NDRG3: variants seen among roughly 807,000 people sequenced by gnomAD.
The protein encoded by NDRG3 is protein NDRG3.
Under a neutral mutation model 57.2 loss-of-function variants are expected in NDRG3, and 23 were observed. The ratio of observed to expected loss-of-function variants is 0.40; its 90% CI spans 0.29 to 0.57. The LOEUF (loss-of-function observed/expected upper bound fraction) is 0.57, where lower values mean the gene tolerates loss of function less well. Ranked by LOEUF, NDRG3 falls within the 20% of genes least tolerant of loss-of-function variation. The pLI is 0.42. For missense variants in NDRG3, 384 were observed against 457.3 expected (o/e 0.84, Z 1.46); for synonymous variants, 132 against 162.6 (o/e 0.81, Z 1.43).
Position 36,653,353 on chromosome 20 carries a change from AG to A in NDRG3, c.*166del, listed in dbSNP as rs555501860. 1.4e-3 allele frequency: 866 copies of A among 602,254 alleles called. 2 individuals are homozygous for A. The highest frequency in any genetic ancestry group is 2.1e-3 in the Non-Finnish European group (749 of 349,546). 37.3% of individuals were successfully genotyped at this position (602,254 alleles called of 1,614,324 possible). On this transcript the variant is annotated 3_prime_UTR_variant, in exon 16 of 16. Transcript: ENST00000349004. This position sits in a 1 kb window ranked among gnomAD's most constrained non-coding sequence, Gnocchi z 4.2. ...AAGTGGTTCTTGGGCTATACAAAAA[AG>A]GGGGTGGGCAGGCAGAGAGAATGAT... is the stretch of plus-strand genomic sequence containing the variant.
chr20:36,664,934 C>G, intron 12 of NDRG3, 112 bp downstream of exon 12: 1 of 1,077,498 alleles, frequency 9.3e-7, no homozygotes. Flanking sequence ...AGCGATCCTC[C>G]TGCCTCAGCC....
rs188327757 is a variant in NDRG3, at chr20:36,714,428, G to A, written c.57+7251C>T. Among the ~76,000 whole-genome samples the A allele has an allele frequency of 2.2e-3, 308 of 141,420 alleles. 9 individuals are homozygous for A. The South Asian group carries it at 0.044, about 20-fold the overall frequency. 92.8% of individuals were successfully genotyped at this position (141,420 alleles called of 152,430 possible). ...TCAAAAAAAAAAAAAAAAATCTTCA[G>A]CAAATCATTTTCTTCTTTTTTTTTT... On this transcript the variant is annotated intron_variant, in intron 2 of 15. Transcript: ENST00000349004.
intron 2 of NDRG3, among the ~76,000 whole-genome samples, chr20:36,713,408 C>T (rs1280696956): frequency 7.3e-5 from 11 of 151,610 alleles, no homozygotes; most frequent in East Asian, 3.9e-4. Context: ...AAACTAGGAA[C>T]GGGTCAATGA....
intron 1 of NDRG3, among the ~76,000 whole-genome samples, chr20:36,729,666 C>T (rs1407378247): frequency 6.6e-6 from 1 of 151,916 alleles, no homozygotes; most frequent in Non-Finnish European, 1.5e-5. Context: ...TAGCTGGGAC[C>T]ACAGGCACAC....
chr20:36,655,310 G>A (rs377426453), intron 15 of NDRG3, among the ~76,000 whole-genome samples: 48 of 152,332 alleles, frequency 3.2e-4, no homozygotes, highest in African/African-American at 1.1e-3. Flanking sequence ...CAGACAGCTC[G>A]CCAATGACCA....
intron 13 of NDRG3, among the ~76,000 whole-genome samples, chr20:36,659,180 G>A (rs1352748899): frequency 6.6e-6 from 1 of 151,988 alleles, no homozygotes; most frequent in Non-Finnish European, 1.5e-5. Context: ...CGAACTCCTG[G>A]CCTCCCACCT....
chr20:36,708,123 G>A (rs1460009043), intron 2 of NDRG3, among the ~76,000 whole-genome samples: 1 of 151,556 alleles, frequency 6.6e-6, no homozygotes, highest in Non-Finnish European at 1.5e-5. Context: ...TGATGTATTT[G>A]GGAATAAAAG....
chr20:36,736,151 T>C (rs1985600275), intron 1 of NDRG3, among the ~76,000 whole-genome samples: 1 of 152,094 alleles, frequency 6.6e-6, no homozygotes, highest in African/African-American at 2.4e-5. Flanking sequence ...AAGCTTAACT[T>C]TTTTCAGTTG....
At position 36,684,488 on chromosome 20, in the gene NDRG3, A is replaced by G; in HGVS notation, c.321-13T>C. The G allele has an allele frequency of 6.2e-7, 1 of 1,610,954 alleles. No individual in the cohort carries two copies. Among genetic ancestry groups the G allele is most frequent in the South Asian group, 1.1e-5 (1 of 91,006 alleles). On this transcript the variant is annotated splice_polypyrimidine_tract_variant and intron_variant, in intron 5 of 15. Transcript: ENST00000349004. Reference sequence around the variant, plus strand: ...GGGGTACTGATACCTGCAATCCAGAAGGATATCTCCTGAATTAGAAAGCAC... The same window carrying G: ...GGGGTACTGATACCTGCAATCCAGAGGGATATCTCCTGAATTAGAAAGCAC...
chr20:36,699,396 C>T (rs1032447131), intron 3 of NDRG3, among the ~76,000 whole-genome samples: 2 of 151,876 alleles, frequency 1.3e-5, no homozygotes, highest in Non-Finnish European at 2.9e-5. Flanking sequence ...AAGAATAAAG[C>T]GGGGGGAGGC....
At chr20:36,657,952 A>G (rs867937902) in intron 13 of NDRG3, among the ~76,000 whole-genome samples, 66 of 152,210 alleles carry the variant, frequency 4.3e-4, no homozygotes, top group African/African-American at 1.5e-3. Flanking sequence ...ATGGGTACCT[A>G]TCAAATGGTT....
In NDRG3 at chr20:36,721,681, T is replaced by C. The variant is rs1377925010; in HGVS notation, c.55A>G (p.Lys19Glu). The change falls in exon 2 of 16, where the codon AAG (lysine) becomes GAG (glutamate). Residue 19 changes from lysine to glutamate, a missense_variant and splice_region_variant. By Grantham distance (56) the Lys-to-Glu change is moderately conservative. Transcript: ENST00000349004. ...AGTGAAAACAGAAAAGTCTTTACCTTATCATTTAGAAGTGGTTTGATCTCT... is the reference window on the plus strand; with the variant it reads ...AGTGAAAACAGAAAAGTCTTTACCTCATCATTTAGAAGTGGTTTGATCTCT... ...LTEIKPLLNDKNGTRNFQDFD... is the reference protein window; with the variant it reads ...LTEIKPLLNDENGTRNFQDFD... 1.3e-6 allele frequency: 2 copies of C among 1,597,646 alleles called. No individual in the cohort carries two copies. The highest frequency in any genetic ancestry group is 1.7e-6 in the Non-Finnish European group (2 of 1,167,780).
In NDRG3 at chr20:36,704,597, T is replaced by C. The variant is rs528775203; in HGVS notation, c.93+2375A>G. Reference sequence around the variant, plus strand: ...TTCAACCTAGGATCCAAACCATAACTGAAGTTAGATCAAATTAAAAACAAT... The same window carrying C: ...TTCAACCTAGGATCCAAACCATAACCGAAGTTAGATCAAATTAAAAACAAT... On this transcript the variant is annotated intron_variant, in intron 3 of 15. Coordinates refer to ENST00000349004, the MANE Select transcript of NDRG3 (RefSeq NM_032013.4). Among the ~76,000 whole-genome samples the C allele has an allele frequency of 1.2e-4, 18 of 152,266 alleles. No individual in the cohort carries two copies. In the South Asian group the frequency reaches 3.7e-3, roughly 32 times the overall value.
intron 3 of NDRG3, among the ~76,000 whole-genome samples, chr20:36,690,897 C>A (rs890203953): frequency 1.3e-5 from 2 of 152,192 alleles, no homozygotes; most frequent in African/African-American, 4.8e-5. Context: ...AAAGATGCAC[C>A]GAGCTGCTGA....
At chr20:36,663,349 T>C (rs564907801) in intron 12 of NDRG3, among the ~76,000 whole-genome samples, 43 of 152,364 alleles carry the variant, frequency 2.8e-4, no homozygotes, top group Admixed American at 2.6e-3. Context: ...TCTACACCTC[T>C]GATTATTTGC....
chr20:36,664,718 C>T (rs114840567), intron 12 of NDRG3, among the ~76,000 whole-genome samples: 4 of 152,034 alleles, frequency 2.6e-5, no homozygotes, highest in Non-Finnish European at 5.9e-5. Context: ...GAGGCACGGT[C>T]TCACTCTGTC....
chr20:36,696,326 C>T (rs1817757323), intron 3 of NDRG3, among the ~76,000 whole-genome samples: 1 of 151,962 alleles, frequency 6.6e-6, no homozygotes, highest in African/African-American at 2.4e-5. Flanking sequence ...AAACTCTAAC[C>T]TCAGGTGATC....
intron 8 of NDRG3, among the ~76,000 whole-genome samples, chr20:36,680,113 C>T (rs1306403643): frequency 2.6e-5 from 4 of 151,878 alleles, no homozygotes; most frequent in Admixed American, 2.0e-4. Flanking sequence ...CATGAGCCAC[C>T]GTGCCCAGTC....
At chr20:36,707,286 C>T (rs1413848764) in intron 2 of NDRG3, among the ~76,000 whole-genome samples, 3 of 152,120 alleles carry the variant, frequency 2.0e-5, no homozygotes, top group African/African-American at 7.2e-5. Flanking sequence ...TGCCTTCCTA[C>T]CTAAGGAGAG....
Sources: allele counts gnomAD v4.1 joint callset (sites outside exome capture counted in the v4.1 genomes callset), GRCh38; gene constraint gnomAD v4.1.1; non-coding constraint Gnocchi (gnomAD v3.1); transcripts MANE v1.5; gene names NCBI Gene and HGNC (gene_info 2026-07-23, HGNC 2026-07-21).